The following CLIC5 variants were observed in gnomAD, a reference collection of about 807,000 sequenced individuals.
CLIC5 encodes the protein chloride intracellular channel protein 5.
In CLIC5, 20 loss-of-function variants were observed where a neutral mutation model predicts 24.7. The observed-to-expected ratio is 0.81, with a 90% CI of 0.57 to 1.18. The LOEUF is 1.18. Ranked by LOEUF, CLIC5 falls within the 50% of genes most tolerant of loss-of-function variation. The pLI, the probability that CLIC5 is intolerant of heterozygous loss-of-function variation, is 0.00. For synonymous variants in CLIC5, 159 were observed against 135.6 expected (o/e 1.17, Z -1.20); for missense variants, 341 against 326.1 (o/e 1.05, Z -0.35).
At chr6:45,896,160 C>T (rs766879099), downstream of CLIC5, among the ~76,000 whole-genome samples, 1 of 152,044 alleles carries the variant, frequency 6.6e-6, no homozygotes, top group Admixed American at 6.6e-5. Context: ...TAATGTAAAT[C>T]GACTCCAAGT....
intron 5 of CLIC5, chr6:45,912,422 G>A: frequency 1.7e-6 from 2 of 1,151,602 alleles, no homozygotes; most frequent in Non-Finnish European, 2.2e-6. Context: ...TGAAGCCCAA[G>A]GCTTGGGAGA....
intron 1 of CLIC5, among the ~76,000 whole-genome samples, chr6:46,004,879 T>G (rs1766494397): frequency 6.6e-6 from 1 of 152,182 alleles, no homozygotes; most frequent in African/African-American, 2.4e-5. Flanking sequence ...GCCAAGGACA[T>G]ATGGCTCCTT....
intron 2 of CLIC5, 126 bp downstream of exon 2, chr6:45,955,009 A>G: frequency 1.7e-6 from 1 of 603,650 alleles, no homozygotes. Flanking sequence ...ATCCTGAGAC[A>G]CAGTTCTGGA....
At chr6:45,974,217 C>T (rs185844909) in intron 1 of CLIC5, among the ~76,000 whole-genome samples, 14 of 151,662 alleles carry the variant, frequency 9.2e-5, no homozygotes, top group Admixed American at 9.2e-4. Flanking sequence ...GGGTTTCTGT[C>T]CTTATGCTCC....
chr6:45,957,885 G>A (rs1174148809), intron 1 of CLIC5, among the ~76,000 whole-genome samples: 1 of 152,052 alleles, frequency 6.6e-6, no homozygotes, highest in Non-Finnish European at 1.5e-5. Context: ...AACCAGGTGG[G>A]GCTCAGTTGG....
chr6:45,957,441 A>T (rs1392784698), intron 1 of CLIC5, among the ~76,000 whole-genome samples: 1 of 152,154 alleles, frequency 6.6e-6, no homozygotes, highest in Non-Finnish European at 1.5e-5. Flanking sequence ...GGACGAACGC[A>T]GGTGGTCTGG....
chr6:46,021,764 G>A (rs1303021424), intron 1 of CLIC5, among the ~76,000 whole-genome samples: 1 of 152,200 alleles, frequency 6.6e-6, no homozygotes, highest in Non-Finnish European at 1.5e-5. Context: ...GAAGATCAGT[G>A]GCTGCCAGGG....
intron 1 of CLIC5, among the ~76,000 whole-genome samples, chr6:45,974,520 T>TAGAGAG (rs1438158945): frequency 9.0e-5 from 6 of 66,970 alleles, no homozygotes; most frequent in African/African-American, 2.6e-4. Context: ...TATATATATA[T>TAGAGAG]ATAGAGAGAG....
At chr6:45,882,986 T>C (rs1762275886) in intron 6 of CLIC5, among the ~76,000 whole-genome samples, 1 of 152,170 alleles carries the variant, frequency 6.6e-6, no homozygotes, top group South Asian at 2.1e-4. Context: ...AAGTGCTAAA[T>C]TAGTGGTGTG....
chr6:45,990,087 G>A (rs1010138555), intron 1 of CLIC5, among the ~76,000 whole-genome samples: 5 of 152,154 alleles, frequency 3.3e-5, no homozygotes, highest in Non-Finnish European at 5.9e-5. Flanking sequence ...TCCTCATCTG[G>A]AAAGTTGGGT....
intron 1 of CLIC5, among the ~76,000 whole-genome samples, chr6:45,962,938 G>C (rs1243581334): frequency 6.6e-6 from 1 of 152,134 alleles, no homozygotes; most frequent in African/African-American, 2.4e-5. Flanking sequence ...GCCACTGAGT[G>C]TATGTTCACC....
intron 3 of CLIC5, among the ~76,000 whole-genome samples, chr6:45,948,547 T>C (rs1249561072): frequency 6.6e-6 from 1 of 152,246 alleles, no homozygotes; most frequent in Non-Finnish European, 1.5e-5. Context: ...TATGTAATAT[T>C]ATTTTTCTAG....
chr6:46,005,026 G>A (rs895688849), intron 1 of CLIC5, among the ~76,000 whole-genome samples: 4 of 152,164 alleles, frequency 2.6e-5, no homozygotes, highest in African/African-American at 4.8e-5. Flanking sequence ...TGGTGTTGAC[G>A]GGGCCCATGC....
intron 1 of CLIC5, 59 bp downstream of exon 1, chr6:46,015,421 G>T: frequency 6.9e-7 from 1 of 1,452,428 alleles, no homozygotes; most frequent in Non-Finnish European, 9.2e-7. Flanking sequence ...CCCGAGCCCT[G>T]GTGGGTGAGC....
intron 1 of CLIC5, among the ~76,000 whole-genome samples, chr6:45,962,564 A>T (rs114194789): frequency 0.021 from 3,216 of 151,930 alleles, 119 homozygotes; most frequent in African/African-American, 0.074. Flanking sequence ...GGCCCAGCCA[A>T]GTTGATATAT....
In CLIC5 at chr6:45,899,408, C is replaced by G. The variant is rs890616875; in HGVS notation, c.*3680G>C. ...ATTCACCGTGCAGTTGAGATGGCCC[C>G]TGGCCAGTGGGAATTGAGGCGAGTC... On this transcript the variant is annotated 3_prime_UTR_variant, in exon 6 of 6. Coordinates refer to ENST00000339561, the MANE Select transcript of CLIC5 (RefSeq NM_016929.5). 1.3e-5 allele frequency: 2 copies of G among 152,242 alleles called. No homozygotes were observed. The highest frequency in any genetic ancestry group is 2.9e-5 in the Non-Finnish European group (2 of 68,050). The allele number at this position is 152,242 out of a possible 1,614,324, so 9.4% of individuals were successfully genotyped here.
intron 5 of CLIC5, among the ~76,000 whole-genome samples, chr6:45,908,789 A>T (rs1192259204): frequency 1.3e-5 from 2 of 152,166 alleles, no homozygotes; most frequent in Non-Finnish European, 2.9e-5. Flanking sequence ...TGTTATGTCC[A>T]ATTGTCAAGT....
At chr6:46,079,852 T>A in exon 1 of CLIC5, 1 of 1,552,216 alleles carries the variant, frequency 6.4e-7, no homozygotes, top group African/African-American at 1.4e-5. Context: ...TCTTCCTTCA[T>A]CACACTCCCA....
At chr6:45,938,863 C>T (rs1581766771) in intron 4 of CLIC5, among the ~76,000 whole-genome samples, 3 of 152,034 alleles carry the variant, frequency 2.0e-5, no homozygotes, top group Admixed American at 1.3e-4. Context: ...AGTCTGAAAA[C>T]GAGGGTTCGA....
Sources: allele counts gnomAD v4.1 joint callset (sites outside exome capture counted in the v4.1 genomes callset), GRCh38; gene constraint gnomAD v4.1.1; transcripts MANE v1.5; gene names NCBI Gene and HGNC (gene_info 2026-07-23, HGNC 2026-07-21).